Variants in EXOC3 observed in about 807,000 individuals in gnomAD.
EXOC3 encodes the protein SEC6-like 1.
Under a neutral mutation model 73.7 loss-of-function variants are expected in EXOC3, and 21 were observed. The observed-to-expected ratio is 0.29, with a 90% confidence interval of 0.20 to 0.41. The LOEUF (loss-of-function observed/expected upper bound fraction) is 0.41, where lower values mean the gene tolerates loss of function less well. EXOC3 is among the 10% of genes least tolerant of loss of function. The probability of loss-of-function intolerance (pLI) is 1.00; values close to 1 mark genes in which losing one functional copy is unlikely to be tolerated. For missense variants in EXOC3, 842 were observed against 985.1 expected (o/e 0.85, Z 1.95); for synonymous variants, 410 against 389.1 (o/e 1.05, Z -0.63).
intron 9 of EXOC3, among the ~76,000 whole-genome samples, chr5:463,796 G>T (rs1738055960): frequency 6.6e-6 from 1 of 152,156 alleles, no homozygotes; most frequent in African/African-American, 2.4e-5. Flanking sequence ...ATTGCAAAAT[G>T]TGAAAAAAAT....
intron 10 of EXOC3, 136 bp downstream of exon 10, chr5:464,548 T>C (rs1430390764): frequency 4.2e-6 from 4 of 955,970 alleles, no homozygotes; most frequent in African/African-American, 1.6e-5. Flanking sequence ...AGGGAGGCAA[T>C]AGGCTCTGCG....
chr5:451,867 A>G (rs886510904), intron 3 of EXOC3, among the ~76,000 whole-genome samples: 7 of 152,224 alleles, frequency 4.6e-5, no homozygotes, highest in African/African-American at 1.7e-4. Context: ...AGCACTTTGA[A>G]TATGTCATCC....
chr5:458,913 TC>T (rs1737901790), intron 6 of EXOC3, among the ~76,000 whole-genome samples: 1 of 152,202 alleles, frequency 6.6e-6, no homozygotes, highest in African/African-American at 2.4e-5. Context: ...GAGAGCTCTG[TC>T]CCCTTGCCCT....
chr5:447,816 C>T, intron 3 of EXOC3, 64 bp downstream of exon 3: 2 of 1,201,740 alleles, frequency 1.7e-6, no homozygotes, highest in Non-Finnish European at 2.3e-6. Flanking sequence ...TCACTGAGTG[C>T]TCTGTGTGCA....
At chr5:443,734 A>G (rs2721028) in intron 1 of EXOC3, among the ~76,000 whole-genome samples, 124,380 of 142,552 alleles carry the variant, frequency 0.87, 54,282 homozygotes, top group African/African-American at 0.94. Flanking sequence ...CCAAGGTGCA[A>G]GTGTCCCCTC....
At chr5:443,649 C>T (rs1054118094) in intron 1 of EXOC3, among the ~76,000 whole-genome samples, 2 of 151,352 alleles carry the variant, frequency 1.3e-5, no homozygotes, top group East Asian at 1.9e-4. Flanking sequence ...GAGCAGGTGT[C>T]CCTCCTTGGG....
chr5:465,439 A>G (rs1173311805), intron 11 of EXOC3, among the ~76,000 whole-genome samples, 167 bp downstream of exon 11: 1 of 152,214 alleles, frequency 6.6e-6, no homozygotes, highest in South Asian at 2.1e-4. Flanking sequence ...ACGAATGTCC[A>G]CAGAGGTAGA....
chr5:465,664 C>T (rs2126589166), intron 11 of EXOC3, 54 bp from the exon 12 acceptor site: 20 of 1,608,548 alleles, frequency 1.2e-5, no homozygotes, highest in Non-Finnish European at 1.6e-5. Context: ...TCCAGCTGCT[C>T]CCAGCGCCGC....
intron 10 of EXOC3, chr5:464,827 G>C (rs374609277): frequency 2.0e-6 from 1 of 510,944 alleles, no homozygotes; most frequent in East Asian, 3.4e-5. Context: ...CCACTGACAC[G>C]GGCCTGTCTG....
At chr5:443,995 G>T (rs1737429642) in intron 1 of EXOC3, among the ~76,000 whole-genome samples, 1 of 151,868 alleles carries the variant, frequency 6.6e-6, no homozygotes, top group African/African-American at 2.4e-5. Flanking sequence ...GTGCCTCCCA[G>T]CACAGGTGTT....
rs777484890 is a variant in EXOC3 at position 453,477 on chromosome 5, G to A, written c.472G>A (p.Glu158Lys). The change falls in exon 4 of 13, where the codon GAG becomes AAG. Residue 158 changes from glutamate to lysine, a missense_variant. Transcript: ENST00000512944. ...LECSRDGLMY[E>K]QYRMDSGNTR... ...GTGCTCCCGGGACGGGCTGATGTAC[G>A]AGCAGTACCGCATGGACAGTGGGAA... is the stretch of plus-strand genomic sequence containing the variant. 15 of 1,613,794 alleles carry A rather than the reference G, an allele frequency of 9.3e-6. No individual in the cohort carries two copies. The highest frequency in any genetic ancestry group is 1.3e-5 in the African/African-American group (1 of 75,034).
intron 7 of EXOC3, among the ~76,000 whole-genome samples, chr5:461,411 G>A (rs1737980191): frequency 6.6e-6 from 1 of 152,148 alleles, no homozygotes; most frequent in Non-Finnish European, 1.5e-5. Context: ...TCAGGAGTTC[G>A]AGACCAGCCT....
In EXOC3 at chr5:465,167, G is replaced by A; in HGVS notation, c.1833G>A (p.Met611Ile). Residue 611 changes from methionine (M) to isoleucine (I), a missense_variant, in exon 11 of 13, where the codon ATG becomes ATA. Transcript: ENST00000512944. ...TGGTGGAGTACCTGCGGGCGGTCAT[G>A]CAGAAGCGCATTTCCTTCCGGAGCC... ...RVVVEYLRAV[M>I]QKRISFRSPE... The A allele has an allele frequency of 6.3e-7, 1 of 1,597,114 alleles. No individual in the cohort carries two copies. Among genetic ancestry groups the A allele is most frequent in the Non-Finnish European group, 8.5e-7 (1 of 1,172,526 alleles).
chr5:464,502 C>T (rs1464297658), intron 10 of EXOC3, 90 bp downstream of exon 10: 7 of 1,374,846 alleles, frequency 5.1e-6, no homozygotes, highest in Admixed American at 1.7e-5. Flanking sequence ...CGAGTCCCTC[C>T]GTGAGTGAAC....
At position 443,211 on chromosome 5, in the gene EXOC3, A is replaced by AGGCGGAGGG. The variant is rs1176558713; in HGVS notation, c.-130_-122dup. 0.022 allele frequency: 3,244 copies of AGGCGGAGGG among 145,108 alleles called. 59 individuals carry two copies. The highest frequency in any genetic ancestry group is 0.042 in the Middle Eastern group (14 of 334). 9.0% of individuals were successfully genotyped at this position (145,108 alleles called of 1,614,324 possible). A position where few individuals can be genotyped will look rare whatever the true frequency, so the allele number is the denominator to read the frequency against. On this transcript the variant is annotated 5_prime_UTR_variant, in exon 1 of 13. Transcript: ENST00000512944. ...GGGACCCCGGAGGCGGAGGCAGCGA[A>AGGCGGAGGG]GGCGGAGGGGGCGGCGGGGGCGGCG...
chr5:465,816 C>T lies in EXOC3; in HGVS notation c.2037C>T (p.Ser679=), dbSNP rs184745230. The T allele has an allele frequency of 1.0e-4, 162 of 1,612,422 alleles. 1 individual carries two copies. The East Asian group carries it at 3.6e-3, about 36-fold the overall frequency. The change falls in exon 12 of 13, where the codon TCC becomes TCT. Residue 679 remains serine, a synonymous_variant. Coordinates refer to ENST00000512944, the MANE Select transcript of EXOC3 (RefSeq NM_007277.5). ...CTTCTCTGCTCTACCTGGAGGTCTC[C>T]ACTCTGGTCAGCAAGTATCCAGACA... ...TDPSLLYLEV[S]TLVSKYPDIR...
intron 7 of EXOC3, among the ~76,000 whole-genome samples, chr5:459,780 C>T (rs1737929512): frequency 6.6e-6 from 1 of 152,196 alleles, no homozygotes; most frequent in South Asian, 2.1e-4. Context: ...GTGGGGGTGG[C>T]GACTCCTGCC....
rs544631953 is a variant in EXOC3, at chr5:446,372, C to G, written c.144+23C>G. On this transcript the variant is annotated intron_variant, in intron 2 of 12. Coordinates refer to ENST00000512944, the MANE Select transcript of EXOC3 (RefSeq NM_007277.5). ...AAGGTGAGGCCACCTGCCCCACTCC[C>G]AGGATCTGTCTTGGGCTTCAGGTTC... 17 of 1,568,162 alleles carry G rather than the reference C, an allele frequency of 1.1e-5. No homozygotes were observed. In the Admixed American group the frequency reaches 3.2e-4, roughly 30 times the overall value.
chr5:448,888 A>G (rs1490214655), intron 3 of EXOC3, among the ~76,000 whole-genome samples: 1 of 152,144 alleles, frequency 6.6e-6, no homozygotes, highest in African/African-American at 2.4e-5. Flanking sequence ...CATGCCCAAC[A>G]CGAACGCCAC....
Sources: allele counts gnomAD v4.1 joint callset (sites outside exome capture counted in the v4.1 genomes callset), GRCh38; gene constraint gnomAD v4.1.1; transcripts MANE v1.5; gene names NCBI Gene and HGNC (gene_info 2026-07-23, HGNC 2026-07-21).